Variants in RPAP3 observed in about 807,000 individuals in gnomAD.
RPAP3 encodes the protein RNA polymerase II associated protein 3, also known as RNA polymerase II-associated protein 3.
RPAP3 carries 58 observed loss-of-function variants against 88.8 expected under a neutral mutation model. The observed-to-expected ratio is 0.65, with a 90% CI of 0.53 to 0.81. RPAP3 has a LOEUF of 0.81. Ranked by LOEUF, RPAP3 falls within the 40% of genes least tolerant of loss-of-function variation. The pLI is 0.00. For missense variants in RPAP3, 751 were observed against 764.3 expected (o/e 0.98, Z 0.20); for synonymous variants, 255 against 259.9 (o/e 0.98, Z 0.18).
At chr12:47,663,643 C>A in intron 16 of RPAP3, 53 bp from the exon 17 acceptor site, 1 of 1,094,370 alleles carries the variant, frequency 9.1e-7, no homozygotes, top group Admixed American at 2.5e-5. Flanking sequence ...AAAAACCAAG[C>A]AAAATGTAAA....
intron 5 of RPAP3, among the ~76,000 whole-genome samples, chr12:47,691,724 A>G (rs778839352): frequency 5.9e-5 from 9 of 152,086 alleles, no homozygotes; most frequent in Non-Finnish European, 1.3e-4. Context: ...CGCTGTCAGT[A>G]CACTACTTTG....
chr12:47,701,689 A>G (rs569952846), intron 2 of RPAP3, 85 bp from the exon 3 acceptor site: 12 of 1,096,500 alleles, frequency 1.1e-5, no homozygotes, highest in East Asian at 3.0e-5. Flanking sequence ...AATTCTCACT[A>G]TATTTTCTTC....
At chr12:47,681,627 A>G in intron 10 of RPAP3, 69 bp downstream of exon 10, 10 of 1,512,948 alleles carry the variant, frequency 6.6e-6, no homozygotes, top group South Asian at 1.2e-5. Flanking sequence ...GGTAAGCTAC[A>G]TGAATCTCTG....
chr12:47,678,648 A>G (rs1221956201), intron 12 of RPAP3, among the ~76,000 whole-genome samples: 14 of 152,234 alleles, frequency 9.2e-5, no homozygotes, highest in Non-Finnish European at 2.1e-4. Context: ...ACATGAAAAA[A>G]TGCTCATCAT....
At chr12:47,664,185 C>T (rs1296778654) in intron 16 of RPAP3, among the ~76,000 whole-genome samples, 2 of 152,066 alleles carry the variant, frequency 1.3e-5, no homozygotes, top group Non-Finnish European at 1.5e-5. Context: ...GTCAGGAGAT[C>T]GAGACCATCC....
Position 47,679,495 on chromosome 12 carries a change from T to C in RPAP3, c.1285A>G (p.Thr429Ala), listed in dbSNP as rs1309988486. Residue 429 changes from threonine (T) to alanine (A), a missense_variant and splice_region_variant, in exon 12 of 17, where the codon ACT becomes GCT. Transcript: ENST00000005386. ...PIDNPPHPGS[T>A]KPLKKVIIEE... ...AAAAATGAAAGTGCTTTACTTACAGTTGATCCAGGATGCGGTGGATTATCA... is the reference window on the plus strand; with the variant it reads ...AAAAATGAAAGTGCTTTACTTACAGCTGATCCAGGATGCGGTGGATTATCA... 5.0e-6 allele frequency: 8 copies of C among 1,587,264 alleles called. No individual in the cohort carries two copies. In the African/African-American group the frequency reaches 8.1e-5, roughly 16 times the overall value.
At chr12:47,704,529 C>T (rs1411042582) in intron 1 of RPAP3, among the ~76,000 whole-genome samples, 4 of 150,310 alleles carry the variant, frequency 2.7e-5, no homozygotes, top group Admixed American at 2.0e-4. Flanking sequence ...CCACCACGCC[C>T]GGCTAATTTT....
chr12:47,692,912 C>T (rs1443099647), intron 5 of RPAP3, among the ~76,000 whole-genome samples: 1 of 152,178 alleles, frequency 6.6e-6, no homozygotes, highest in African/African-American at 2.4e-5. Context: ...CAGAGCGTCA[C>T]TCTCTCGCCC....
intron 1 of RPAP3, among the ~76,000 whole-genome samples, chr12:47,703,094 G>A (rs1002861247): frequency 6.6e-6 from 1 of 152,222 alleles, no homozygotes; most frequent in South Asian, 2.1e-4. Context: ...AGGTAATGGG[G>A]AGAAAAATCA....
rs576080619 is a variant in RPAP3 at position 47,697,448 on chromosome 12, A to T, written c.417+149T>A. On this transcript the variant is annotated intron_variant, in intron 4 of 16. Coordinates refer to ENST00000005386, the MANE Select transcript of RPAP3 (RefSeq NM_024604.3). The stretch of plus-strand genomic sequence containing the variant: ...TCCAGAGCATGTACTCCTAACCACC[A>T]TGTTACAATGCCTCCAGAGAGGGAT... The T allele has an allele frequency of 1.8e-4, 112 of 626,850 alleles. No individual in the cohort carries two copies. In the African/African-American group the frequency reaches 2.1e-3, roughly 12 times the overall value. 38.8% of individuals were successfully genotyped at this position (626,850 alleles called of 1,614,324 possible).
intron 12 of RPAP3, among the ~76,000 whole-genome samples, chr12:47,673,911 T>C (rs2136614114): frequency 6.6e-6 from 1 of 152,192 alleles, no homozygotes; most frequent in South Asian, 2.1e-4. Flanking sequence ...ACATTTAATT[T>C]CTATAAAATG....
chr12:47,700,141 A>C (rs1046545756), intron 3 of RPAP3: 5 of 152,150 alleles, frequency 3.3e-5, no homozygotes, highest in African/African-American at 1.2e-4. Context: ...ATCTTGATCC[A>C]AACAGTGGTT....
Position 47,704,456 on chromosome 12 carries a change from C to T in RPAP3, c.-7+1496G>A, listed in dbSNP as rs1939731645. On this transcript the variant is annotated intron_variant, in intron 1 of 16. Coordinates refer to ENST00000005386, the MANE Select transcript of RPAP3 (RefSeq NM_024604.3). ...CAAACTCAGCTCACTGCAACCTCCA[C>T]CTCCTAGGTTCAAGTGATTCTCCTG... Among the ~76,000 whole-genome samples the T allele has an allele frequency of 2.0e-5, 3 of 152,168 alleles. No individual in the cohort carries two copies. In the South Asian group the frequency reaches 6.2e-4, roughly 32 times the overall value.
At chr12:47,687,093 A>G (rs1939342016) in intron 8 of RPAP3, among the ~76,000 whole-genome samples, 186 bp from the exon 9 acceptor site, 1 of 152,200 alleles carries the variant, frequency 6.6e-6, no homozygotes, top group African/African-American at 2.4e-5. Context: ...TTTTAATGGC[A>G]TTATTCTCTT....
rs1565713007 is a variant in RPAP3, at chr12:47,668,943, A to G, written c.1686T>C (p.Ser562=). Residue 562 remains serine, a synonymous_variant, in exon 14 of 17, where the codon TCT becomes TCC. Coordinates refer to ENST00000005386, the MANE Select transcript of RPAP3 (RefSeq NM_024604.3). ...LESDFRQLKS[S]PDMLYQYLKQ... ...TTAAATACTGATACAACATATCTGGAGAACTTTTCAATTGTCTGAAATCAG... is the reference window on the plus strand; with the variant it reads ...TTAAATACTGATACAACATATCTGGGGAACTTTTCAATTGTCTGAAATCAG... 1 of 1,613,898 alleles carries G rather than the reference A, an allele frequency of 6.2e-7. No individual in the cohort carries two copies. The highest frequency in any genetic ancestry group is 1.1e-5 in the South Asian group (1 of 91,076).
intron 3 of RPAP3, among the ~76,000 whole-genome samples, chr12:47,700,585 G>A (rs1364479899): frequency 1.3e-5 from 2 of 152,206 alleles, no homozygotes; most frequent in African/African-American, 4.8e-5. Flanking sequence ...TCACAGTGCA[G>A]AATAGGGCTG....
chr12:47,681,220 T>G (rs961506313), intron 10 of RPAP3, among the ~76,000 whole-genome samples: 1 of 152,168 alleles, frequency 6.6e-6, no homozygotes, highest in Non-Finnish European at 1.5e-5. Flanking sequence ...TCTAATAAAA[T>G]TACTGCCTTA....
chr12:47,702,104 C>A (rs1462073263), intron 2 of RPAP3, among the ~76,000 whole-genome samples: 1 of 152,208 alleles, frequency 6.6e-6, no homozygotes, highest in Non-Finnish European at 1.5e-5. Flanking sequence ...TATACACACA[C>A]ACCTCTACAT....
chr12:47,687,395 A>G (rs1439608573), intron 8 of RPAP3, among the ~76,000 whole-genome samples: 1 of 152,138 alleles, frequency 6.6e-6, no homozygotes, highest in Non-Finnish European at 1.5e-5. Flanking sequence ...TGATTTCACT[A>G]TAACATTTAC....
Sources: gnomAD v4.1 joint callset for allele counts (sites outside exome capture counted in the v4.1 genomes callset) on GRCh38, gnomAD v4.1.1 for gene constraint, MANE v1.5 for transcripts, NCBI Gene and HGNC (gene_info 2026-07-23, HGNC 2026-07-21) for gene names.